EZH1: variants seen among roughly 807,000 people sequenced by gnomAD.
The protein encoded by EZH1 is enhancer of zeste 1 polycomb repressive complex 2 subunit.
EZH1 carries 33 observed loss-of-function variants against 100.5 expected under a neutral mutation model. That is an observed-to-expected ratio of 0.33 (90% CI 0.25 to 0.44). The LOEUF (loss-of-function observed/expected upper bound fraction) is 0.44, where lower values mean the gene tolerates loss of function less well. EZH1 is among the 20% of genes least tolerant of loss of function. The pLI is 1.00. For missense variants in EZH1, 475 were observed against 928.4 expected (o/e 0.51, Z 6.35); for synonymous variants, 272 against 313.8 (o/e 0.87, Z 1.41).
chr17:42,709,031 T>C (rs2053420727), intron 13 of EZH1, 115 bp from the exon 14 acceptor site: 1 of 1,177,532 alleles, frequency 8.5e-7, no homozygotes, highest in Admixed American at 1.9e-5. Flanking sequence ...GGGGAGTATC[T>C]TCCCAAACCC....
chr17:42,705,929 T>C, intron 16 of EZH1, 78 bp downstream of exon 16: 2 of 1,377,198 alleles, frequency 1.5e-6, no homozygotes, highest in Non-Finnish European at 1.9e-6. Context: ...AAAGAACCAG[T>C]GGAAAGAGAA....
chr17:42,723,875 G>A (rs1038311229), intron 5 of EZH1, among the ~76,000 whole-genome samples: 2 of 152,132 alleles, frequency 1.3e-5, no homozygotes, highest in African/African-American at 4.8e-5. Flanking sequence ...CCAGATGAAA[G>A]GACTGTGTGC....
At chr17:42,725,114 C>A (rs1597850282) in intron 4 of EZH1, among the ~76,000 whole-genome samples, 1 of 150,910 alleles carries the variant, frequency 6.6e-6, no homozygotes, top group East Asian at 2.0e-4. Flanking sequence ...TTGCAGTGAG[C>A]CAAGATCACG....
At chr17:42,734,519 C>T (rs1474806025) in intron 1 of EZH1, among the ~76,000 whole-genome samples, 1 of 151,802 alleles carries the variant, frequency 6.6e-6, no homozygotes, top group African/African-American at 2.4e-5. Context: ...CAAAAATTAC[C>T]CGGGCATGGT....
intron 2 of EZH1, chr17:42,729,321 T>G (rs750939790): frequency 5.4e-6 from 1 of 186,548 alleles, no homozygotes; most frequent in African/African-American, 2.4e-5. Flanking sequence ...GTGGGAGGAC[T>G]GCTTGAGCCC....
chr17:42,741,632 T>C (rs951545896), intron 1 of EZH1, among the ~76,000 whole-genome samples: 1 of 152,222 alleles, frequency 6.6e-6, no homozygotes, highest in Non-Finnish European at 1.5e-5. Flanking sequence ...TACAGAGTAA[T>C]GAAGCCAGGT....
chr17:42,711,635 G>C (rs574073798), intron 12 of EZH1, among the ~76,000 whole-genome samples: 26 of 133,710 alleles, frequency 1.9e-4, no homozygotes, highest in African/African-American at 7.3e-4. Flanking sequence ...AACAGAGCGA[G>C]ATTCTGTCTC....
At position 42,702,525 on chromosome 17, in the gene EZH1, G is replaced by A. The variant is rs1319499174; in HGVS notation, c.*7C>T. 5.1e-6 allele frequency: 8 copies of A among 1,556,130 alleles called. No individual in the cohort carries two copies. Among genetic ancestry groups the A allele is most frequent in the Admixed American group, 3.8e-5 (2 of 52,086 alleles). Reference sequence around the variant, plus strand: ...TACCATAAGTGCTGCCGTGGGGCCTGGGAGGGCTAAAGGACGTCGGTCTCC... The same window carrying A: ...TACCATAAGTGCTGCCGTGGGGCCTAGGAGGGCTAAAGGACGTCGGTCTCC... On this transcript the variant is annotated 3_prime_UTR_variant, in exon 21 of 21. Coordinates refer to ENST00000428826, the MANE Select transcript of EZH1 (RefSeq NM_001991.5).
intron 18 of EZH1, 28 bp downstream of exon 18, chr17:42,704,574 C>A: frequency 6.3e-7 from 1 of 1,575,170 alleles, no homozygotes; most frequent in Non-Finnish European, 8.7e-7. Flanking sequence ...AAAAGACCAC[C>A]TTGGGATGAG....
rs1344739275 is a variant in EZH1 at position 42,706,811 on chromosome 17, G to A, written c.1661-626C>T. ...GTACCCCAGAGAATATGAAATCAGT[G>A]TGTTTCACTGGTAAATTGTCACCAT... On this transcript the variant is annotated intron_variant, in intron 15 of 20. Coordinates refer to ENST00000428826, the MANE Select transcript of EZH1 (RefSeq NM_001991.5). The surrounding 1 kb of genome is among the most constrained non-coding windows in gnomAD (Gnocchi z 4.4). 1.3e-5 allele frequency among the ~76,000 whole-genome samples: 2 copies of A among 152,108 alleles called. No homozygotes were observed. The highest frequency in any genetic ancestry group is 3.8e-4 in the East Asian group (2 of 5,198).
intron 5 of EZH1, among the ~76,000 whole-genome samples, chr17:42,723,976 A>C (rs1455956345): frequency 1.3e-5 from 2 of 152,214 alleles, no homozygotes; most frequent in East Asian, 3.8e-4. Flanking sequence ...CAACCTGCTC[A>C]AGCCTCAAGA....
At chr17:42,728,741 CAAAA>C in intron 3 of EZH1, 80 bp downstream of exon 3, 8 of 1,108,414 alleles carry the variant, frequency 7.2e-6, no homozygotes, top group Non-Finnish European at 7.2e-6. Flanking sequence ...GACTCTGTCT[CAAAA>C]AAAAAAAAAA....
intron 4 of EZH1, among the ~76,000 whole-genome samples, chr17:42,726,404 C>A (rs1035168997): frequency 6.6e-6 from 1 of 151,324 alleles, no homozygotes; most frequent in Non-Finnish European, 1.5e-5. Flanking sequence ...TATCTATTTC[C>A]CAGGTGTTGG....
intron 2 of EZH1, 79 bp from the exon 3 acceptor site, chr17:42,729,031 A>G (rs2053883936): frequency 3.1e-6 from 4 of 1,280,522 alleles, no homozygotes; most frequent in East Asian, 2.4e-5. Context: ...AAAAAAAAAG[A>G]TCAATTATGC....
At chr17:42,727,593 C>A (rs1464366305) in intron 4 of EZH1, 42 bp downstream of exon 4, 2 of 1,583,148 alleles carry the variant, frequency 1.3e-6, no homozygotes, top group South Asian at 2.3e-5. Context: ...AGCTTTAAGC[C>A]CAAGGAAGAG....
intron 2 of EZH1, among the ~76,000 whole-genome samples, chr17:42,730,076 C>A (rs1290304315): frequency 6.6e-6 from 1 of 151,136 alleles, no homozygotes; most frequent in Non-Finnish European, 1.5e-5. Context: ...CAAAAAAAAA[C>A]AACAACAACA....
intron 3 of EZH1, among the ~76,000 whole-genome samples, chr17:42,728,259 A>G (rs1313700421): frequency 6.6e-6 from 1 of 150,898 alleles, no homozygotes; most frequent in African/African-American, 2.4e-5. Context: ...GATTACAGGC[A>G]TATGACACCA....
Position 42,712,275 on chromosome 17 carries a change from C to A in EZH1, c.1401+14G>T. ...AAGGAGGGGCCCATTTGTTCTGCTG[C>A]TTCCAGATGGTACCTGCTTGCACGT... On this transcript the variant is annotated intron_variant, in intron 12 of 20. Transcript: ENST00000428826. The A allele has an allele frequency of 6.2e-7, 1 of 1,611,604 alleles. No homozygotes were observed. Among genetic ancestry groups the A allele is most frequent in the Non-Finnish European group, 8.5e-7 (1 of 1,179,176 alleles).
At chr17:42,721,573 A>G (rs1029676590) in intron 6 of EZH1, among the ~76,000 whole-genome samples, 1 of 152,176 alleles carries the variant, frequency 6.6e-6, no homozygotes, top group African/African-American at 2.4e-5. Context: ...GCCACTGATT[A>G]CTACATAATC....
Sources: allele counts gnomAD v4.1 joint callset (sites outside exome capture counted in the v4.1 genomes callset), GRCh38; gene constraint gnomAD v4.1.1; non-coding constraint Gnocchi (gnomAD v3.1); transcripts MANE v1.5; gene names NCBI Gene and HGNC (gene_info 2026-07-23, HGNC 2026-07-21).